ZFR2: variants seen among roughly 807,000 people sequenced by gnomAD.
The protein encoded by ZFR2 is zinc finger RNA binding protein 2, also known as zinc finger RNA-binding protein 2.
Under a neutral mutation model 105.7 loss-of-function variants are expected in ZFR2, and 104 were observed. The observed-to-expected ratio is 0.98, with a 90% CI of 0.84 to 1.16. The LOEUF (loss-of-function observed/expected upper bound fraction) is 1.16. ZFR2 is among the 50% of genes most tolerant of loss of function. The probability of loss-of-function intolerance (pLI) is 0.00; values close to 1 mark genes in which losing one functional copy is unlikely to be tolerated. For missense variants in ZFR2, 1,425 were observed against 1,355.5 expected, an observed-to-expected ratio of 1.05 and a Z score of -0.80; for synonymous variants, 634 against 597.7, an observed-to-expected ratio of 1.06 and a Z score of -0.89.
intron 10 of ZFR2, 122 bp from the exon 11 acceptor site, chr19:3,820,412 G>A (rs1210679548): frequency 1.2e-5 from 11 of 924,648 alleles, no homozygotes; most frequent in Non-Finnish European, 1.6e-5. Context: ...CTCTTGCTGG[G>A]GCTCCACTGC....
At chr19:3,827,393 G>A in intron 6 of ZFR2, 78 bp downstream of exon 6, 1 of 1,425,954 alleles carries the variant, frequency 7.0e-7, no homozygotes, top group South Asian at 1.5e-5. Context: ...ATCTCCCCAG[G>A]TACCTCTGTG....
rs76859901 is a variant in ZFR2 at position 3,865,712 on chromosome 19, T to C, written c.53+3253A>G. On this transcript the variant is annotated intron_variant, in intron 1 of 18. Transcript: ENST00000262961. The stretch of plus-strand genomic sequence containing the variant: ...CTACCCAAAACTCCTAAAAAATGAA[T>C]TGCTGCCTTTGTTTTGGCAATTCTT... Among the ~76,000 whole-genome samples, 57 of 152,284 alleles carry C rather than the reference T, an allele frequency of 3.7e-4. No individual in the cohort carries two copies. In the East Asian group the frequency reaches 0.011, roughly 29 times the overall value.
In ZFR2 at chr19:3,848,240, C is replaced by T. The variant is rs1345029489; in HGVS notation, c.54-13257G>A. Among the ~76,000 whole-genome samples, 8 of 152,238 alleles carry T rather than the reference C, an allele frequency of 5.3e-5. No individual in the cohort carries two copies. The South Asian group carries it at 8.3e-4, about 16-fold the overall frequency. Reference sequence around the variant, plus strand: ...CAGCCTGGCCAACATGGTGAAACCCCGTCTCTGCTAAAAATGCAAAAATTA... The same window carrying T: ...CAGCCTGGCCAACATGGTGAAACCCTGTCTCTGCTAAAAATGCAAAAATTA... On this transcript the variant is annotated intron_variant, in intron 1 of 18. Coordinates refer to ENST00000262961, the MANE Select transcript of ZFR2 (RefSeq NM_015174.2).
intron 6 of ZFR2, 83 bp from the exon 7 acceptor site, chr19:3,825,490 G>A (rs758232328): frequency 4.2e-5 from 62 of 1,491,130 alleles, no homozygotes; most frequent in South Asian, 2.6e-5. Context: ...GGGCCTCCAC[G>A]GGCGTGCAGC....
At chr19:3,866,933 A>T (rs367709187) in intron 1 of ZFR2, among the ~76,000 whole-genome samples, 1 of 152,238 alleles carries the variant, frequency 6.6e-6, no homozygotes, top group Admixed American at 6.5e-5. Context: ...CACCAGAGAA[A>T]CCACTCCGAG....
At chr19:3,866,575 G>C (rs991454253) in intron 1 of ZFR2, among the ~76,000 whole-genome samples, 2 of 152,130 alleles carry the variant, frequency 1.3e-5, no homozygotes, top group Admixed American at 6.6e-5. Flanking sequence ...TCACCTATTT[G>C]AACAACATAA....
chr19:3,868,939 G>C (rs2038467307), intron 1 of ZFR2, 26 bp downstream of exon 1: 1 of 1,288,600 alleles, frequency 7.8e-7, no homozygotes, highest in East Asian at 3.2e-5. Flanking sequence ...CGGGACTGGC[G>C]GGGGCTGGCG....
At chr19:3,844,034 C>T (rs2038164098) in intron 1 of ZFR2, among the ~76,000 whole-genome samples, 1 of 118,312 alleles carries the variant, frequency 8.5e-6, no homozygotes, top group Non-Finnish European at 1.8e-5. Flanking sequence ...GTGCCAGGGA[C>T]CGGGGAGGGG....
At chr19:3,861,665 C>G (rs759464997) in intron 1 of ZFR2, among the ~76,000 whole-genome samples, 27 of 134,942 alleles carry the variant, frequency 2.0e-4, no homozygotes, top group Non-Finnish European at 2.4e-4. Flanking sequence ...GTGGCTCACG[C>G]CTGTAATCCC....
rs1421171226 is a variant in ZFR2, at chr19:3,834,544, C to A, written c.264+229G>T. Among the ~76,000 whole-genome samples the A allele has an allele frequency of 1.3e-5, 2 of 152,094 alleles. No homozygotes were observed. The highest frequency in any genetic ancestry group is 4.8e-5 in the African/African-American group (2 of 41,426). ...GCCGTCACTGTCCCCACTGCCCCGA[C>A]GTGGAGGTACGCATGCGGCCTGTCC... On this transcript the variant is annotated intron_variant, in intron 2 of 18. Transcript: ENST00000262961. This position sits in a 1 kb window ranked among gnomAD's most constrained non-coding sequence, Gnocchi z 5.3.
chr19:3,853,260 C>G (rs1376411681), intron 1 of ZFR2, among the ~76,000 whole-genome samples: 4 of 152,174 alleles, frequency 2.6e-5, no homozygotes, highest in Non-Finnish European at 5.9e-5. Context: ...ACAGCCCTCC[C>G]CGGGTTCCCA....
intron 1 of ZFR2, among the ~76,000 whole-genome samples, chr19:3,865,329 C>G (rs2038416740): frequency 6.6e-6 from 1 of 151,948 alleles, no homozygotes; most frequent in Admixed American, 6.6e-5. Flanking sequence ...AAATTCCTAC[C>G]CAGGGCTACG....
In ZFR2 at chr19:3,833,686, T is replaced by C; in HGVS notation, c.357A>G (p.Thr119=). The C allele has an allele frequency of 6.4e-7, 1 of 1,568,008 alleles. No homozygotes were observed. Among genetic ancestry groups the C allele is most frequent in the East Asian group, 2.4e-5 (1 of 42,420 alleles). ...QSAALQSGRM[T]AADSGQPGTQ... is the part of the protein sequence containing the mutation. ...CACCTGGCTGGCCGGAGTCTGCGGC[T>C]GTCATGCGCCCAGACTGGAGGGCAG... The change falls in exon 3 of 19, where the codon ACA becomes ACG. Residue 119 remains threonine (T), a synonymous_variant. Transcript: ENST00000262961.
At chr19:3,852,451 TC>T in intron 1 of ZFR2, 2 of 718,224 alleles carry the variant, frequency 2.8e-6, no homozygotes, top group Non-Finnish European at 5.2e-6. Flanking sequence ...CAGCCTTGGG[TC>T]CTTCACCAGG....
At chr19:3,819,709 C>T (rs990908794) in intron 11 of ZFR2, among the ~76,000 whole-genome samples, 1 of 152,052 alleles carries the variant, frequency 6.6e-6, no homozygotes. Context: ...CAAGAGAGCC[C>T]GGCGTGGTGG....
At chr19:3,821,899 G>A (rs938800286) in intron 9 of ZFR2, among the ~76,000 whole-genome samples, 182 bp downstream of exon 9, 31 of 152,094 alleles carry the variant, frequency 2.0e-4, no homozygotes, top group Admixed American at 1.5e-3. Flanking sequence ...GTGAGACACC[G>A]CGCCCGGCCG....
chr19:3,806,348 C>T (rs939403578), intron 18 of ZFR2, among the ~76,000 whole-genome samples: 24 of 152,306 alleles, frequency 1.6e-4, no homozygotes, highest in African/African-American at 4.8e-4. Flanking sequence ...TTGCAACCAC[C>T]GCCTCCCAGG....
chr19:3,869,008 T>A lies in ZFR2; in HGVS notation c.10A>T (p.Ser4Cys). 2 of 1,371,344 alleles carry A rather than the reference T, an allele frequency of 1.5e-6. No individual in the cohort carries two copies. Among genetic ancestry groups the A allele is most frequent in the South Asian group, 3.6e-5 (2 of 56,324 alleles). 84.9% of individuals were successfully genotyped at this position (1,371,344 alleles called of 1,614,324 possible). Residue 4 changes from serine (S) to cysteine (C), a missense_variant, in exon 1 of 19, where the codon AGT (serine) becomes TGT (cysteine). Transcript: ENST00000262961. MAT[S>C]QYFDFAQGGG... ...CCCTGCGCGAAGTCGAAATACTGAC[T>A]CGTCGCCATCTTGGCGTCTTCCCCG... is the stretch of plus-strand genomic sequence containing the variant.
intron 7 of ZFR2, among the ~76,000 whole-genome samples, chr19:3,824,520 C>A (rs908732155): frequency 6.6e-6 from 1 of 152,110 alleles, no homozygotes; most frequent in African/African-American, 2.4e-5. Context: ...ATTCTGAGCC[C>A]AATTTGTTCA....
Sources: allele counts gnomAD v4.1 joint callset (sites outside exome capture counted in the v4.1 genomes callset), GRCh38; gene constraint gnomAD v4.1.1; non-coding constraint Gnocchi (gnomAD v3.1); transcripts MANE v1.5; gene names NCBI Gene and HGNC (gene_info 2026-07-23, HGNC 2026-07-21).